The following ARB2A variants were observed in gnomAD, a reference collection of about 807,000 sequenced individuals.
The protein encoded by ARB2A is ARB2 cotranscriptional regulator A.
the ARB2A span, among the ~76,000 whole-genome samples, chr5:93,645,989 A>G: frequency 6.6e-6 from 1 of 152,176 alleles, no homozygotes; most frequent in East Asian, 1.9e-4. Flanking sequence ...TTTTTTTCCT[A>G]CACCACACAG....
the ARB2A span, among the ~76,000 whole-genome samples, chr5:93,637,537 G>C: frequency 2.6e-5 from 4 of 151,986 alleles, no homozygotes; most frequent in African/African-American, 9.7e-5. Flanking sequence ...TTCATGTTTA[G>C]TTTTTCAAGA....
chr5:93,646,724 T>C, the ARB2A span, among the ~76,000 whole-genome samples: 1 of 152,126 alleles, frequency 6.6e-6, no homozygotes, highest in African/African-American at 2.4e-5. Flanking sequence ...ATACATCATG[T>C]ATAGTGATGT....
At chr5:93,988,951 T>G in the ARB2A span, among the ~76,000 whole-genome samples, 2 of 152,170 alleles carry the variant, frequency 1.3e-5, no homozygotes, top group Non-Finnish European at 2.9e-5. Flanking sequence ...AACGTGTATA[T>G]TACTTTTCCT....
the ARB2A span, among the ~76,000 whole-genome samples, chr5:93,841,755 C>T: frequency 2.6e-5 from 4 of 152,146 alleles, no homozygotes; most frequent in African/African-American, 9.7e-5. Flanking sequence ...TCCATGCAGG[C>T]ATAACGAGTA....
the ARB2A span, among the ~76,000 whole-genome samples, chr5:93,969,956 C>T: frequency 3.9e-5 from 6 of 151,960 alleles, no homozygotes; most frequent in South Asian, 6.2e-4. Context: ...ATGTAATACA[C>T]GATAATATAT....
chr5:94,062,569 A>T, the ARB2A span, among the ~76,000 whole-genome samples: 3 of 152,242 alleles, frequency 2.0e-5, no homozygotes, highest in South Asian at 6.2e-4. Context: ...AATCCTAGCC[A>T]TGCAAGAGCT....
chr5:94,048,642 C>T, the ARB2A span, among the ~76,000 whole-genome samples: 1 of 152,100 alleles, frequency 6.6e-6, no homozygotes, highest in East Asian at 1.9e-4. Context: ...TGTCAACAGG[C>T]CCAGGTGGAG....
At chr5:93,656,033 C>G in the ARB2A span, among the ~76,000 whole-genome samples, 2 of 152,206 alleles carry the variant, frequency 1.3e-5, no homozygotes, top group African/African-American at 2.4e-5. Flanking sequence ...TTTGCTATGT[C>G]TGCACTGTGT....
chr5:94,067,579 C>A, the ARB2A span, among the ~76,000 whole-genome samples: 1 of 151,924 alleles, frequency 6.6e-6, no homozygotes, highest in Non-Finnish European at 1.5e-5. Flanking sequence ...AACTCATTTA[C>A]AACAGCTATA....
At chr5:93,950,394 T>C in the ARB2A span, among the ~76,000 whole-genome samples, 6 of 152,206 alleles carry the variant, frequency 3.9e-5, no homozygotes, top group Non-Finnish European at 7.3e-5. Context: ...GCCTAACTTT[T>C]AAATAAAAGT....
At chr5:93,707,002 T>C in the ARB2A span, among the ~76,000 whole-genome samples, 2 of 152,210 alleles carry the variant, frequency 1.3e-5, no homozygotes, top group Admixed American at 1.3e-4. Context: ...AAACTCATAA[T>C]ATATCCATGT....
At chr5:93,840,443 T>C in the ARB2A span, among the ~76,000 whole-genome samples, 3 of 152,166 alleles carry the variant, frequency 2.0e-5, no homozygotes, top group Non-Finnish European at 4.4e-5. Flanking sequence ...CTGAATTGGA[T>C]TCCCAACACC....
the ARB2A span, among the ~76,000 whole-genome samples, chr5:93,769,940 G>T: frequency 6.6e-6 from 1 of 152,196 alleles, no homozygotes; most frequent in Non-Finnish European, 1.5e-5. Flanking sequence ...GAAATGGTCA[G>T]AGGAGAGCTG....
At chr5:93,855,100 T>C in the ARB2A span, among the ~76,000 whole-genome samples, 1 of 152,168 alleles carries the variant, frequency 6.6e-6, no homozygotes, top group East Asian at 1.9e-4. Context: ...TCTAAGTCTC[T>C]TTGTAGGTCT....
the ARB2A span, among the ~76,000 whole-genome samples, chr5:93,950,003 G>A: frequency 2.6e-5 from 4 of 152,104 alleles, no homozygotes; most frequent in Non-Finnish European, 4.4e-5. Flanking sequence ...TTAACATAAC[G>A]ACCTCCAGTT....
At chr5:94,048,979 T>A in the ARB2A span, among the ~76,000 whole-genome samples, 1 of 152,220 alleles carries the variant, frequency 6.6e-6, no homozygotes. Context: ...ATTATACTTA[T>A]GTTACCATAT....
At chr5:93,956,777 A>T in the ARB2A span, among the ~76,000 whole-genome samples, 1 of 151,710 alleles carries the variant, frequency 6.6e-6, no homozygotes, top group Non-Finnish European at 1.5e-5. Context: ...CTCAACCAAC[A>T]CCTCCCCATC....
At chr5:93,911,000 A>C in the ARB2A span, 1 of 151,606 alleles carries the variant, frequency 6.6e-6, no homozygotes, top group Non-Finnish European at 1.5e-5. Flanking sequence ...ATGTAAGATA[A>C]GTAATACTGA....
the ARB2A span, among the ~76,000 whole-genome samples, chr5:93,810,996 T>C: frequency 6.6e-6 from 1 of 152,146 alleles, no homozygotes; most frequent in South Asian, 2.1e-4. Flanking sequence ...GAGTTAATAT[T>C]TGTAAAGCAC....
Sources: allele counts gnomAD v4.1 joint callset (sites outside exome capture counted in the v4.1 genomes callset), GRCh38; gene constraint gnomAD v4.1.1; transcripts MANE v1.5; gene names NCBI Gene and HGNC (gene_info 2026-07-23, HGNC 2026-07-21).